MAPK10: variants seen among roughly 807,000 people sequenced by gnomAD.
MAPK10 encodes mitogen-activated protein kinase 10.
In MAPK10, 25 loss-of-function variants were observed where a neutral mutation model predicts 59.3. That is an observed-to-expected ratio of 0.42 (90% CI 0.31 to 0.59). MAPK10 has a LOEUF of 0.59. Among genes scored for constraint, MAPK10 ranks in the 20% least tolerant of loss-of-function variants. The pLI is 0.15. For missense variants in MAPK10, 351 were observed against 568.9 expected (o/e 0.62, Z 3.90); for synonymous variants, 190 against 200.5 (o/e 0.95, Z 0.44).
At chr4:86,578,988 C>T (rs1313217741) in intron 1 of MAPK10, among the ~76,000 whole-genome samples, 1 of 152,058 alleles carries the variant, frequency 6.6e-6, no homozygotes, top group African/African-American at 2.4e-5. Flanking sequence ...AAGGATGACA[C>T]TTTTATTCTT....
chr4:86,443,988 A>G (rs1005318235), intron 1 of MAPK10, among the ~76,000 whole-genome samples: 2 of 152,186 alleles, frequency 1.3e-5, no homozygotes, highest in African/African-American at 4.8e-5. Context: ...TTTTTGGGAA[A>G]GAATCTGAGT....
intron 11 of MAPK10, among the ~76,000 whole-genome samples, chr4:86,059,538 C>G (rs1310989542): frequency 6.6e-6 from 1 of 152,176 alleles, no homozygotes; most frequent in African/African-American, 2.4e-5. Context: ...AGGTTATACT[C>G]TCCCTGGGAA....
chr4:86,232,476 C>G (rs966763688), intron 2 of MAPK10, among the ~76,000 whole-genome samples: 4 of 151,902 alleles, frequency 2.6e-5, no homozygotes, highest in African/African-American at 4.8e-5. Flanking sequence ...TGGGTTCACG[C>G]CATTCTCCTG....
chr4:86,223,853 G>C (rs76196621), intron 2 of MAPK10, among the ~76,000 whole-genome samples: 12,926 of 152,174 alleles, frequency 0.085, 1,219 homozygotes, highest in African/African-American at 0.23. Flanking sequence ...TTTCATGGCA[G>C]TCTTGGACCT....
chr4:86,011,671 T>G lies in MAPK10; in HGVS notation c.*5557A>C, dbSNP rs1404795893. ...TTAGGTACCTATGCTTGACCTTTTT[T>G]AAAGAGAGTAAGGATCTGTGATTTA... On this transcript the variant is annotated 3_prime_UTR_variant, in exon 14 of 14. Coordinates refer to ENST00000641462, the MANE Select transcript of MAPK10 (RefSeq NM_138982.4). 6.6e-6 allele frequency: 1 copy of G among 152,166 alleles called. No homozygotes were observed. The highest frequency in any genetic ancestry group is 1.5e-5 in the Non-Finnish European group (1 of 68,024). 9.4% of individuals were successfully genotyped at this position (152,166 alleles called of 1,614,324 possible).
chr4:86,073,323 G>T (rs1453830749), intron 9 of MAPK10, among the ~76,000 whole-genome samples: 2 of 151,208 alleles, frequency 1.3e-5, no homozygotes, highest in African/African-American at 4.9e-5. Flanking sequence ...TATCAATTTT[G>T]TTGATCCTTT....
At chr4:86,179,214 AAAAAGAAAG>A (rs906226720) in intron 3 of MAPK10, among the ~76,000 whole-genome samples, 1 of 152,062 alleles carries the variant, frequency 6.6e-6, no homozygotes, top group African/African-American at 2.4e-5. Flanking sequence ...ATAAAAATAA[AAAAAGAAAG>A]AAAAGAAAAG....
At chr4:86,562,175 G>A (rs1169319721) in intron 1 of MAPK10, among the ~76,000 whole-genome samples, 1 of 152,070 alleles carries the variant, frequency 6.6e-6, no homozygotes, top group Non-Finnish European at 1.5e-5. Context: ...TGGCAACATA[G>A]GGAAACCCCA....
chr4:86,535,243 GA>G (rs1758147200), intron 1 of MAPK10, among the ~76,000 whole-genome samples: 1 of 152,084 alleles, frequency 6.6e-6, no homozygotes, highest in Non-Finnish European at 1.5e-5. Flanking sequence ...GAAAGTTCCA[GA>G]AAGAGTTTAC....
At chr4:86,111,855 C>CT (rs1457517219) in intron 4 of MAPK10, among the ~76,000 whole-genome samples, 4 of 151,882 alleles carry the variant, frequency 2.6e-5, no homozygotes, top group Admixed American at 6.6e-5. Flanking sequence ...TCCATCTTGG[C>CT]TTTTTTTGGT....
chr4:86,247,191 G>A (rs547980372), intron 2 of MAPK10, among the ~76,000 whole-genome samples: 7 of 152,272 alleles, frequency 4.6e-5, no homozygotes, highest in South Asian at 2.1e-4. Flanking sequence ...TATACCCTCA[G>A]CCTGCTCTGT....
At chr4:86,195,938 T>G (rs2081203322) in intron 2 of MAPK10, among the ~76,000 whole-genome samples, 1 of 152,228 alleles carries the variant, frequency 6.6e-6, no homozygotes, top group Non-Finnish European at 1.5e-5. Context: ...ATGGTGTATA[T>G]GTGTCATATT....
intron 1 of MAPK10, among the ~76,000 whole-genome samples, chr4:86,478,813 G>A (rs1192587706): frequency 6.6e-6 from 1 of 152,154 alleles, no homozygotes; most frequent in Admixed American, 6.5e-5. Context: ...CAACACACCA[G>A]CAAAGGCAGG....
chr4:86,307,713 G>T (rs566073126), intron 2 of MAPK10, among the ~76,000 whole-genome samples: 1 of 152,268 alleles, frequency 6.6e-6, no homozygotes, highest in African/African-American at 2.4e-5. Flanking sequence ...ACATAGATTT[G>T]TTGGGCAAAT....
rs542670536 is a variant in MAPK10, at chr4:86,235,751, G to A, written c.-6-41344C>T. Among the ~76,000 whole-genome samples, 12 of 152,296 alleles carry A rather than the reference G, an allele frequency of 7.9e-5. No homozygotes were observed. The South Asian group carries it at 1.7e-3, about 21-fold the overall frequency. ...GAACAGAAAAGGAGCTGTGGGGACC[G>A]GGCGCCTGAGTCAGCTGTGGTGGAG... is the stretch of plus-strand genomic sequence containing the variant. On this transcript the variant is annotated intron_variant, in intron 2 of 13. Transcript: ENST00000641462.
intron 11 of MAPK10, among the ~76,000 whole-genome samples, chr4:86,033,026 C>T (rs892188973): frequency 4.0e-5 from 6 of 151,274 alleles, no homozygotes; most frequent in Non-Finnish European, 7.3e-5. Context: ...ACACATTGAA[C>T]GTATATAAGG....
intron 11 of MAPK10, among the ~76,000 whole-genome samples, chr4:86,036,348 G>T (rs1317569562): frequency 6.6e-6 from 1 of 151,754 alleles, no homozygotes; most frequent in Non-Finnish European, 1.5e-5. Context: ...ATAATTAAAA[G>T]GAAAGAAACC....
At chr4:86,310,362 C>T (rs1578052188) in intron 2 of MAPK10, among the ~76,000 whole-genome samples, 1 of 152,112 alleles carries the variant, frequency 6.6e-6, no homozygotes, top group Non-Finnish European at 1.5e-5. Flanking sequence ...TTTCTGGGTT[C>T]ACAAGACATA....
intron 2 of MAPK10, among the ~76,000 whole-genome samples, chr4:86,227,537 A>G (rs1357968651): frequency 6.6e-6 from 1 of 151,980 alleles, no homozygotes; most frequent in Middle Eastern, 3.2e-3. Flanking sequence ...AGACGCATAG[A>G]TGGTACTATT....
Sources: gnomAD v4.1 joint callset for allele counts (sites outside exome capture counted in the v4.1 genomes callset) on GRCh38, gnomAD v4.1.1 for gene constraint, MANE v1.5 for transcripts, NCBI Gene and HGNC (gene_info 2026-07-23, HGNC 2026-07-21) for gene names.